RBFOX1: variants seen among roughly 807,000 people sequenced by gnomAD.
RBFOX1 encodes the protein RNA binding protein fox-1 homolog 1.
RBFOX1 carries 8 observed loss-of-function variants against 57.7 expected under a neutral mutation model. The ratio of observed to expected loss-of-function variants is 0.14; its 90% CI spans 0.08 to 0.25. The LOEUF (loss-of-function observed/expected upper bound fraction) is 0.25, where lower values mean the gene tolerates loss of function less well. RBFOX1 is among the 10% of genes least tolerant of loss of function. The pLI is 1.00. For missense variants in RBFOX1, 611 were observed against 548.5 expected (o/e 1.11, Z -1.14); for synonymous variants, 326 against 222.4 (o/e 1.47, Z -4.15).
rs575981091 is a variant in RBFOX1, at chr16:5,442,060, A to G, written c.220-25156A>G. ...ATAGACATGTAATCAAGCAGTCGTC[A>G]TGCAGAGAGTTGGGGAGTTTTGCTA... On this transcript the variant is annotated intron_variant, in intron 1 of 2. Transcript: ENST00000585867. Among the ~76,000 whole-genome samples, 9 of 152,318 alleles carry G rather than the reference A, an allele frequency of 5.9e-5. No homozygotes were observed. In the South Asian group the frequency reaches 1.2e-3, roughly 21 times the overall value.
chr16:7,328,736 A>G (rs958596614), intron 4 of RBFOX1: 1 of 152,094 alleles, frequency 6.6e-6, no homozygotes, highest in Non-Finnish European at 1.5e-5. Flanking sequence ...AATGAGCAGA[A>G]CTGGCACCAA....
intron 4 of RBFOX1, among the ~76,000 whole-genome samples, chr16:7,464,920 A>T (rs1182967819): frequency 6.6e-6 from 1 of 151,334 alleles, no homozygotes; most frequent in African/African-American, 2.4e-5. Context: ...GATGGTCTCC[A>T]TTTCTTGACC....
At chr16:6,822,873 GATT>G (rs746951388) in intron 3 of RBFOX1, among the ~76,000 whole-genome samples, 3 of 152,176 alleles carry the variant, frequency 2.0e-5, no homozygotes, top group Non-Finnish European at 4.4e-5. Context: ...CTGGAACAGT[GATT>G]CACATAAAGG....
chr16:7,248,757 A>ATT (rs2094403801), intron 4 of RBFOX1, among the ~76,000 whole-genome samples: 1 of 152,112 alleles, frequency 6.6e-6, no homozygotes, highest in African/African-American at 2.4e-5. Flanking sequence ...TCATTAATTG[A>ATT]TTTTTCTGTA....
chr16:6,758,906 T>C (rs926450387), intron 3 of RBFOX1, among the ~76,000 whole-genome samples: 1 of 152,090 alleles, frequency 6.6e-6, no homozygotes, highest in Non-Finnish European at 1.5e-5. Context: ...GTGACATGTG[T>C]TCAGGGAGTC....
intron 1 of RBFOX1, among the ~76,000 whole-genome samples, chr16:5,306,692 G>T (rs919306764): frequency 3.3e-5 from 5 of 152,150 alleles, no homozygotes; most frequent in Admixed American, 1.3e-4. Context: ...GCAAGGTAAG[G>T]TTGCTTCCGA....
intron 3 of RBFOX1, among the ~76,000 whole-genome samples, chr16:6,944,502 T>C (rs1349442115): frequency 6.6e-6 from 1 of 152,148 alleles, no homozygotes; most frequent in African/African-American, 2.4e-5. Flanking sequence ...ACAGTGACTT[T>C]GGATCAGAGT....
intron 4 of RBFOX1, among the ~76,000 whole-genome samples, chr16:7,388,294 A>G (rs1396329977): frequency 3.9e-5 from 6 of 152,168 alleles, no homozygotes; most frequent in East Asian, 3.9e-4. Flanking sequence ...AGAAACTTGC[A>G]TTGCTTTCTG....
At chr16:6,273,870 A>C (rs2075505981) in intron 1 of RBFOX1, among the ~76,000 whole-genome samples, 1 of 152,136 alleles carries the variant, frequency 6.6e-6, no homozygotes, top group Non-Finnish European at 1.5e-5. Flanking sequence ...CAAAAAAATC[A>C]AGCAGTGAGC....
chr16:7,455,669 C>T (rs538752724), intron 4 of RBFOX1, among the ~76,000 whole-genome samples: 1 of 151,348 alleles, frequency 6.6e-6, no homozygotes, highest in Non-Finnish European at 1.5e-5. Context: ...TGGTTGTAGT[C>T]CCAGCTACTC....
intron 3 of RBFOX1, among the ~76,000 whole-genome samples, chr16:6,769,751 A>G (rs991866072): frequency 3.3e-5 from 5 of 152,178 alleles, no homozygotes; most frequent in Non-Finnish European, 7.3e-5. Flanking sequence ...TACAAATCTA[A>G]CAAAGGCATG....
chr16:7,286,598 C>T (rs909081456), intron 4 of RBFOX1, among the ~76,000 whole-genome samples: 7 of 148,552 alleles, frequency 4.7e-5, no homozygotes, highest in African/African-American at 1.7e-4. Context: ...TTCAGGAGCA[C>T]ACCACCAGGA....
intron 7 of RBFOX1, among the ~76,000 whole-genome samples, chr16:7,590,459 C>G (rs538139808): frequency 6.6e-6 from 1 of 152,136 alleles, no homozygotes; most frequent in African/African-American, 2.4e-5. Context: ...GCGAATGATC[C>G]TGTAATTTAT....
At chr16:6,994,286 T>C (rs184468533) in intron 3 of RBFOX1, among the ~76,000 whole-genome samples, 16 of 152,282 alleles carry the variant, frequency 1.1e-4, no homozygotes, top group Middle Eastern at 3.4e-3. Flanking sequence ...TCCGACTTAA[T>C]GAAGCCATCT....
At chr16:7,149,638 A>G (rs1240099119) in intron 4 of RBFOX1, among the ~76,000 whole-genome samples, 1 of 151,694 alleles carries the variant, frequency 6.6e-6, no homozygotes, top group East Asian at 1.9e-4. Flanking sequence ...GGTGCACACC[A>G]CCGTGCCCAG....
At chr16:6,397,522 G>A (rs1031711157) in intron 2 of RBFOX1, among the ~76,000 whole-genome samples, 14 of 152,130 alleles carry the variant, frequency 9.2e-5, no homozygotes, top group Admixed American at 7.9e-4. Flanking sequence ...CATTAGTCCT[G>A]TACTATAAGA....
chr16:6,019,494 C>G lies in RBFOX1; in HGVS notation c.-625C>G. 1 of 1,019,202 alleles carries G rather than the reference C, an allele frequency of 9.8e-7. No individual in the cohort carries two copies. The highest frequency in any genetic ancestry group is 4.6e-5 in the South Asian group (1 of 21,706). 63.1% of individuals were successfully genotyped at this position (1,019,202 alleles called of 1,614,324 possible). On this transcript the variant is annotated 5_prime_UTR_variant, in exon 1 of 16. Transcript: ENST00000550418. This position sits in a 1 kb window ranked among gnomAD's most constrained non-coding sequence, Gnocchi z 4.2. ...GAATCCCTCCCCCTCCGCCCCAGCC[C>G]CCCAGCAGCACCCGCGGTGGGGCGG... is the stretch of plus-strand genomic sequence containing the variant.
At chr16:5,507,361 G>T (rs1207574382) in intron 2 of RBFOX1, among the ~76,000 whole-genome samples, 1 of 152,114 alleles carries the variant, frequency 6.6e-6, no homozygotes, top group Non-Finnish European at 1.5e-5. Flanking sequence ...AGGAGGGATT[G>T]TCTTGGCTTT....
chr16:7,484,013 C>T (rs1476255315), intron 4 of RBFOX1, among the ~76,000 whole-genome samples: 4 of 152,182 alleles, frequency 2.6e-5, no homozygotes, highest in Non-Finnish European at 5.9e-5. Context: ...CCCCCCATTC[C>T]CTAACCCCTG....
Sources: allele counts gnomAD v4.1 joint callset (sites outside exome capture counted in the v4.1 genomes callset), GRCh38; gene constraint gnomAD v4.1.1; non-coding constraint Gnocchi (gnomAD v3.1); transcripts MANE v1.5; gene names NCBI Gene and HGNC (gene_info 2026-07-23, HGNC 2026-07-21).